CYRIB: variants seen among roughly 807,000 people sequenced by gnomAD.
CYRIB encodes CYFIP related Rac1 interactor B.
CYRIB carries 8 observed loss-of-function variants against 44.2 expected under a neutral mutation model. That is an observed-to-expected ratio of 0.18 (90% CI 0.11 to 0.33). The LOEUF is 0.33. CYRIB is among the 10% of genes least tolerant of loss of function. CYRIB has a pLI of 1.00. For synonymous variants in CYRIB, 131 were observed against 127.2 expected (o/e 1.03, Z -0.20); for missense variants, 185 against 382.8 (o/e 0.48, Z 4.31).
At chr8:129,916,108 G>A (rs1274649840) in intron 1 of CYRIB, among the ~76,000 whole-genome samples, 1 of 152,182 alleles carries the variant, frequency 6.6e-6, no homozygotes, top group Non-Finnish European at 1.5e-5. Flanking sequence ...AATTTGGGCA[G>A]AGTCAGTAAT....
chr8:129,907,539 G>A (rs867602241), intron 1 of CYRIB, among the ~76,000 whole-genome samples: 4 of 151,930 alleles, frequency 2.6e-5, no homozygotes, highest in Admixed American at 2.6e-4. Context: ...ACATGTATAT[G>A]TATGTAACAA....
intron 6 of CYRIB, 89 bp downstream of exon 8, chr8:129,855,522 A>G (rs1393050526): frequency 7.2e-7 from 1 of 1,391,456 alleles, no homozygotes; most frequent in African/African-American, 1.4e-5. Flanking sequence ...ATTTAAATAC[A>G]TTTTAACAAT....
chr8:129,967,029 T>C (rs2095502296), intron 2 of CYRIB, among the ~76,000 whole-genome samples: 1 of 152,118 alleles, frequency 6.6e-6, no homozygotes, highest in Non-Finnish European at 1.5e-5. Flanking sequence ...TCCATGAGTG[T>C]TTTTTAAAAA....
upstream of CYRIB, among the ~76,000 whole-genome samples, chr8:129,944,093 GCAA>G (rs1324633465): frequency 6.6e-6 from 1 of 151,904 alleles, no homozygotes; most frequent in Non-Finnish European, 1.5e-5. Flanking sequence ...CCTTCTGAAG[GCAA>G]CAACAAGTAA....
At chr8:129,947,131 C>T (rs1170422125) in intron 2 of CYRIB, among the ~76,000 whole-genome samples, 6 of 151,870 alleles carry the variant, frequency 4.0e-5, no homozygotes, top group Non-Finnish European at 8.8e-5. Flanking sequence ...GATCTCGGCT[C>T]ACTGCAACCT....
intron 2 of CYRIB, among the ~76,000 whole-genome samples, chr8:129,969,588 A>G (rs2095614248): frequency 6.6e-6 from 1 of 152,204 alleles, no homozygotes; most frequent in Admixed American, 6.5e-5. Context: ...TTCCCCTTGA[A>G]AAATCCCACA....
intron 11 of CYRIB, among the ~76,000 whole-genome samples, chr8:129,844,906 T>C (rs1268102652): frequency 1.3e-5 from 2 of 152,218 alleles, no homozygotes; most frequent in East Asian, 1.9e-4. Flanking sequence ...GCTAGGGTGT[T>C]TGTTTAAAAG....
intron 1 of CYRIB, among the ~76,000 whole-genome samples, chr8:129,988,906 C>T (rs2096552619): frequency 6.6e-6 from 1 of 152,100 alleles, no homozygotes; most frequent in Admixed American, 6.6e-5. Context: ...CTTATCATTG[C>T]AACGTTGGGA....
intron 2 of CYRIB, among the ~76,000 whole-genome samples, chr8:129,883,901 A>G (rs2061718671): frequency 6.6e-6 from 1 of 152,222 alleles, no homozygotes; most frequent in Non-Finnish European, 1.5e-5. Context: ...CAGTTTATTT[A>G]CTATTACTGT....
At chr8:129,963,578 C>A (rs2095358886) in intron 2 of CYRIB, among the ~76,000 whole-genome samples, 1 of 152,212 alleles carries the variant, frequency 6.6e-6, no homozygotes, top group African/African-American at 2.4e-5. Context: ...GCGATTAAAC[C>A]TATTCCCTCT....
intron 11 of CYRIB, 47 bp from the exon 14 acceptor site, chr8:129,842,252 A>G (rs1223216854): frequency 1.5e-6 from 2 of 1,350,150 alleles, no homozygotes. Flanking sequence ...CTTAAAAAAT[A>G]ATCAGCATCG....
Position 130,003,786 on chromosome 8 carries a change from G to A in CYRIB, c.-296+12584C>T, listed in dbSNP as rs377660992. ...TTGATCATGGGGGACAGTGGGGGACGTTCAAAGGTCATACCTCGTTTATTC... is the reference window on the plus strand; with the variant it reads ...TTGATCATGGGGGACAGTGGGGGACATTCAAAGGTCATACCTCGTTTATTC... On this transcript the variant is annotated intron_variant, in intron 1 of 14. Coordinates refer to the CYRIB transcript ENST00000401979. 5.3e-5 allele frequency among the ~76,000 whole-genome samples: 8 copies of A among 152,280 alleles called. No individual in the cohort carries two copies. In the East Asian group the frequency reaches 1.2e-3, roughly 22 times the overall value.
chr8:129,883,112 C>CAAAAAAAAAAAAAAAAAA (rs34764499), intron 2 of CYRIB, among the ~76,000 whole-genome samples: 5 of 41,254 alleles, frequency 1.2e-4, no homozygotes, highest in African/African-American at 1.9e-4. Context: ...GACTCCCTCT[C>CAAAAAAAAAAAAAAAAAA]AAAAAAAAAA....
rs140186206 is a variant in CYRIB at position 129,930,828 on chromosome 8, G to T, written c.-50+8780C>A. Reference sequence around the variant, plus strand: ...AGGGATCCACCTGCTTTTACCCACTGGCAACTGAGAACTAGCTCCACAGCA... The same window carrying T: ...AGGGATCCACCTGCTTTTACCCACTTGCAACTGAGAACTAGCTCCACAGCA... On this transcript the variant is annotated intron_variant, in intron 1 of 11. Coordinates refer to ENST00000519824, the Ensembl canonical transcript of CYRIB. Among the ~76,000 whole-genome samples the T allele has an allele frequency of 4.6e-4, 70 of 152,144 alleles. No homozygotes were observed. The South Asian group carries it at 0.01, about 22-fold the overall frequency.
At chr8:129,986,404 A>C (rs1324573103) in intron 1 of CYRIB, among the ~76,000 whole-genome samples, 1 of 152,124 alleles carries the variant, frequency 6.6e-6, no homozygotes, top group African/African-American at 2.4e-5. Flanking sequence ...TACAGTTTAA[A>C]CATTTGTCCC....
intron 3 of CYRIB, among the ~76,000 whole-genome samples, chr8:129,876,890 C>T (rs1018477517): frequency 2.6e-5 from 4 of 152,180 alleles, no homozygotes; most frequent in Non-Finnish European, 5.9e-5. Context: ...GTACTAATTA[C>T]TCTAGCAAAA....
intron 2 of CYRIB, among the ~76,000 whole-genome samples, chr8:129,952,381 T>C (rs1449213270): frequency 6.6e-6 from 1 of 152,164 alleles, no homozygotes; most frequent in Non-Finnish European, 1.5e-5. Flanking sequence ...TTTATAATTA[T>C]GTATATTACA....
intron 4 of CYRIB, among the ~76,000 whole-genome samples, chr8:129,870,286 G>GT (rs1450609979): frequency 6.6e-6 from 1 of 152,174 alleles, no homozygotes; most frequent in Non-Finnish European, 1.5e-5. Context: ...AGGCATGGTG[G>GT]TGAGTGCCAG....
chr8:129,862,668 C>T (rs542314425), intron 4 of CYRIB, among the ~76,000 whole-genome samples: 110 of 152,230 alleles, frequency 7.2e-4, no homozygotes, highest in African/African-American at 2.4e-3. Context: ...GATGGGGTTT[C>T]GCCATGTTGG....
Sources: gnomAD v4.1 joint callset for allele counts (sites outside exome capture counted in the v4.1 genomes callset) on GRCh38, gnomAD v4.1.1 for gene constraint, MANE v1.5 for transcripts, NCBI Gene and HGNC (gene_info 2026-07-23, HGNC 2026-07-21) for gene names.